Variants in PCDHGA1 observed in about 807,000 individuals in gnomAD.
The protein encoded by PCDHGA1 is protocadherin gamma subfamily A, 1.
PCDHGA1 carries 32 observed loss-of-function variants against 58.0 expected under a neutral mutation model. The observed-to-expected ratio is 0.55, with a 90% CI of 0.42 to 0.74. The LOEUF (loss-of-function observed/expected upper bound fraction) is 0.74, where lower values mean the gene tolerates loss of function less well. Among genes scored for constraint, PCDHGA1 ranks in the 30% least tolerant of loss-of-function variants. The pLI is 0.00. For synonymous variants in PCDHGA1, 498 were observed against 501.1 expected, an observed-to-expected ratio of 0.99 and a Z score of 0.08; for missense variants, 1,205 against 1,182.3, an observed-to-expected ratio of 1.02 and a Z score of -0.28.
At chr5:141,394,743 G>A (rs928437652) in intron 1 of PCDHGA1, 4 of 1,613,314 alleles carry the variant, frequency 2.5e-6, no homozygotes, top group Non-Finnish European at 3.4e-6. Flanking sequence ...GAGCCTCGTG[G>A]TGGCCGTCCA....
chr5:141,442,135 G>C lies in PCDHGA1; in HGVS notation c.2422-52672G>C, dbSNP rs868124128. 8 of 164,066 alleles carry C rather than the reference G, an allele frequency of 4.9e-5. 1 individual carries two copies. The highest frequency in any genetic ancestry group is 2.8e-4 in the South Asian group (2 of 7,026). 10.2% of individuals were successfully genotyped at this position (164,066 alleles called of 1,614,324 possible). On this transcript the variant is annotated intron_variant, in intron 1 of 3. Transcript: ENST00000517417. ...CCCTCGTCGCCGACAGCCTGCAGGA[G>C]ACTCTGCCAGACCTCAGCGATCACT...
intron 1 of PCDHGA1, among the ~76,000 whole-genome samples, chr5:141,472,352 T>G (rs1364883510): frequency 6.6e-6 from 1 of 151,718 alleles, no homozygotes; most frequent in Non-Finnish European, 1.5e-5. Context: ...CCATCCTGGC[T>G]AACACGGTGA....
At chr5:141,355,221 C>G (rs756437082) in intron 1 of PCDHGA1, 1 of 1,608,638 alleles carries the variant, frequency 6.2e-7, no homozygotes, top group Non-Finnish European at 8.5e-7. Context: ...CTCCTGCTCG[C>G]CCAGACCACA....
chr5:141,384,705 C>T lies in PCDHGA1; in HGVS notation c.2421+51600C>T, dbSNP rs761874903. ...TGGACAAAGATTCAGGCCAGAACGC[C>T]TGGCTGTCATACCTCCTGCTTAAGG... On this transcript the variant is annotated intron_variant, in intron 1 of 3. Coordinates refer to ENST00000517417, the MANE Select transcript of PCDHGA1 (RefSeq NM_018912.3). 19 of 1,614,140 alleles carry T rather than the reference C, an allele frequency of 1.2e-5. No individual in the cohort carries two copies. The South Asian group carries it at 1.8e-4, about 15-fold the overall frequency.
intron 1 of PCDHGA1, chr5:141,395,362 T>A: frequency 1.5e-6 from 2 of 1,294,628 alleles, no homozygotes; most frequent in Non-Finnish European, 1.0e-6. Context: ...AGTTTTGGGT[T>A]TATTTTGGTG....
chr5:141,387,143 G>A (rs1310461267), intron 1 of PCDHGA1, among the ~76,000 whole-genome samples: 3 of 152,158 alleles, frequency 2.0e-5, no homozygotes, highest in Admixed American at 6.5e-5. Flanking sequence ...TATTGGGAAG[G>A]GGGTGTATTT....
intron 1 of PCDHGA1, chr5:141,475,971 C>T (rs750016455): frequency 2.1e-5 from 20 of 954,292 alleles, no homozygotes; most frequent in Non-Finnish European, 2.9e-5. Context: ...GAGGCAGAGA[C>T]TGAACAGCCG....
chr5:141,491,800 C>T lies in PCDHGA1; in HGVS notation c.2422-3007C>T. The T allele has an allele frequency of 6.7e-7, 1 of 1,500,854 alleles. No individual in the cohort carries two copies. Among genetic ancestry groups the T allele is most frequent in the Non-Finnish European group, 8.9e-7 (1 of 1,125,316 alleles). 93.0% of individuals were successfully genotyped at this position (1,500,854 alleles called of 1,614,324 possible). A position where few individuals can be genotyped will look rare whatever the true frequency, so the allele number is the denominator to read the frequency against. Reference sequence around the variant, plus strand: ...GAACTTGCATCCACTCCTCTCCGGCCGGCTTGGTCGCTGGCTGCGCTCCAC... The same window carrying T: ...GAACTTGCATCCACTCCTCTCCGGCTGGCTTGGTCGCTGGCTGCGCTCCAC... On this transcript the variant is annotated intron_variant, in intron 1 of 3. Transcript: ENST00000517417. The surrounding 1 kb of genome is among the most constrained non-coding windows in gnomAD (Gnocchi z 6.9).
chr5:141,377,364 A>C (rs1163264209), intron 1 of PCDHGA1: 2 of 152,154 alleles, frequency 1.3e-5, no homozygotes, highest in Non-Finnish European at 2.9e-5. Flanking sequence ...CCACCTCTTC[A>C]GGAGGCTGAG....
At chr5:141,335,834 T>C (rs1036544805) in intron 1 of PCDHGA1, among the ~76,000 whole-genome samples, 7 of 152,016 alleles carry the variant, frequency 4.6e-5, no homozygotes, top group African/African-American at 1.4e-4. Context: ...TTTGGATATT[T>C]ACATCTACAC....
chr5:141,422,479 A>G, intron 1 of PCDHGA1: 1 of 1,613,890 alleles, frequency 6.2e-7, no homozygotes, highest in Non-Finnish European at 8.5e-7. Flanking sequence ...GTTGGTCCAG[A>G]GCTACAATAT....
intron 1 of PCDHGA1, among the ~76,000 whole-genome samples, chr5:141,482,178 C>T (rs950570560): frequency 2.6e-5 from 4 of 151,968 alleles, no homozygotes; most frequent in African/African-American, 4.8e-5. Context: ...TAAGGCTTTA[C>T]GATGCTCCAG....
chr5:141,419,148 C>G, intron 1 of PCDHGA1: 1 of 1,613,940 alleles, frequency 6.2e-7, no homozygotes. Flanking sequence ...AGGGGCAAGC[C>G]TCCGTTATCC....
chr5:141,488,705 G>T (rs1024064135), intron 1 of PCDHGA1, among the ~76,000 whole-genome samples: 1 of 152,200 alleles, frequency 6.6e-6, no homozygotes, highest in Non-Finnish European at 1.5e-5. Context: ...AGATTTTGCT[G>T]GTTCAAGCAA....
At chr5:141,370,508 C>T in intron 1 of PCDHGA1, 1 of 1,613,908 alleles carries the variant, frequency 6.2e-7, no homozygotes, top group Non-Finnish European at 8.5e-7. Flanking sequence ...ACGCTATTCC[C>T]GAGGAGCTGG....
Position 141,490,849 on chromosome 5 carries a change from C to A in PCDHGA1, c.2422-3958C>A, listed in dbSNP as rs200640560. The A allele has an allele frequency of 6.2e-7, 1 of 1,613,748 alleles. No individual in the cohort carries two copies. Among genetic ancestry groups the A allele is most frequent in the Non-Finnish European group, 8.5e-7 (1 of 1,179,862 alleles). On this transcript the variant is annotated intron_variant, in intron 1 of 3. Coordinates refer to ENST00000517417, the MANE Select transcript of PCDHGA1 (RefSeq NM_018912.3). This position sits in a 1 kb window ranked among gnomAD's most constrained non-coding sequence, Gnocchi z 5.4. ...GATGCTGCAGATTGTGGTGGGGGTT[C>A]GAGACTCCGGCTCTCCCCCATTGCA...
Position 141,489,765 on chromosome 5 carries a change from C to A in PCDHGA1, c.2422-5042C>A. On this transcript the variant is annotated intron_variant, in intron 1 of 3. Transcript: ENST00000517417. The surrounding 1 kb of genome is among the most constrained non-coding windows in gnomAD (Gnocchi z 4.5). ...TGAGCTTTTACACTCTAAGCCCCAA[C>A]AGCCACTTCTCTCTGAATGTGAAGA... 2.5e-6 allele frequency: 4 copies of A among 1,614,174 alleles called. No individual in the cohort carries two copies. The highest frequency in any genetic ancestry group is 3.4e-6 in the Non-Finnish European group (4 of 1,179,992).
intron 1 of PCDHGA1, chr5:141,423,848 G>A: frequency 1.6e-6 from 2 of 1,277,462 alleles, no homozygotes; most frequent in Non-Finnish European, 2.0e-6. Flanking sequence ...TAATCTTTCA[G>A]AACGTTTTTG....
intron 1 of PCDHGA1, among the ~76,000 whole-genome samples, chr5:141,472,224 A>G (rs570743680): frequency 1.4e-4 from 21 of 152,330 alleles, no homozygotes; most frequent in African/African-American, 4.1e-4. Context: ...TCTCGATCAT[A>G]TAATACATTC....
Sources: allele counts gnomAD v4.1 joint callset (sites outside exome capture counted in the v4.1 genomes callset), GRCh38; gene constraint gnomAD v4.1.1; non-coding constraint Gnocchi (gnomAD v3.1); transcripts MANE v1.5; gene names NCBI Gene and HGNC (gene_info 2026-07-23, HGNC 2026-07-21).